ADGRD1: variants seen among roughly 807,000 people sequenced by gnomAD.
ADGRD1 encodes the protein adhesion G protein-coupled receptor D1, also known as G-protein coupled receptor 133.
A neutral mutation model predicts 113.4 loss-of-function variants in ADGRD1; 77 were observed. The ratio of observed to expected loss-of-function variants is 0.68; its 90% CI spans 0.57 to 0.82. ADGRD1 has a LOEUF of 0.82. Among genes scored for constraint, ADGRD1 ranks in the 40% least tolerant of loss-of-function variants. The pLI is 0.00. For synonymous variants in ADGRD1, 474 were observed against 475.0 expected, an observed-to-expected ratio of 1.00 and a Z score of 0.03; for missense variants, 1,036 against 1,139.1, an observed-to-expected ratio of 0.91 and a Z score of 1.30.
chr12:131,110,702 G>T (rs776832145), intron 18 of ADGRD1, among the ~76,000 whole-genome samples: 7 of 152,074 alleles, frequency 4.6e-5, no homozygotes, highest in Non-Finnish European at 8.8e-5. Context: ...CCATCTGGTG[G>T]TGTTGCTTGC....
rs529979006 is a variant in ADGRD1 at position 131,014,301 on chromosome 12, G to A, written c.1434G>A (p.Ser478=). 183 of 1,614,016 alleles carry A rather than the reference G, an allele frequency of 1.1e-4. 2 individuals are homozygous for A. In the South Asian group the frequency reaches 1.8e-3, roughly 16 times the overall value. ...SPPPTLSQNL[S]GSPLITVHLK... ...CACCCACCCTGTCTCAGAACCTGTC[G>A]GGCTCTCCACTCATTACGGTCCACC... The change falls in exon 13 of 25, where the codon TCG becomes TCA. Residue 478 remains serine (S), a synonymous_variant. Coordinates refer to ENST00000261654, the MANE Select transcript of ADGRD1 (RefSeq NM_198827.5).
intron 13 of ADGRD1, among the ~76,000 whole-genome samples, chr12:131,059,135 C>T (rs764763669): frequency 6.6e-6 from 1 of 152,006 alleles, no homozygotes; most frequent in Non-Finnish European, 1.5e-5. Flanking sequence ...TTCCTCTGTC[C>T]TCTCTATTTT....
intron 13 of ADGRD1, among the ~76,000 whole-genome samples, chr12:131,062,978 A>T (rs1201129831): frequency 6.6e-6 from 1 of 152,104 alleles, no homozygotes; most frequent in Non-Finnish European, 1.5e-5. Context: ...TTTCCCAATG[A>T]TGAGTGATGT....
Position 131,003,339 on chromosome 12 carries a change from G to T in ADGRD1, c.1144+37G>T, listed in dbSNP as rs549029202. On this transcript the variant is annotated intron_variant, in intron 10 of 24. Coordinates refer to ENST00000261654, the MANE Select transcript of ADGRD1 (RefSeq NM_198827.5). The surrounding 1 kb of genome is among the most constrained non-coding windows in gnomAD (Gnocchi z 4.8). ...TTGTAAGGGTGAGCCACATGGCAGGGGCGGGGGCTGGAGGCTGCGTTTCAC... is the reference window on the plus strand; with the variant it reads ...TTGTAAGGGTGAGCCACATGGCAGGTGCGGGGGCTGGAGGCTGCGTTTCAC... 2.8e-6 allele frequency: 4 copies of T among 1,420,100 alleles called. No homozygotes were observed. The highest frequency in any genetic ancestry group is 1.1e-5 in the South Asian group (1 of 87,334). The allele number at this position is 1,420,100 out of a possible 1,614,324, so 88.0% of individuals were successfully genotyped here.
At chr12:130,976,404 C>T (rs908840971) in intron 4 of ADGRD1, among the ~76,000 whole-genome samples, 2 of 152,154 alleles carry the variant, frequency 1.3e-5, no homozygotes, top group Non-Finnish European at 2.9e-5. Context: ...AAGTACAGCT[C>T]GTAGGCCCTG....
At chr12:131,127,858 G>A (rs1950782375) in intron 20 of ADGRD1, among the ~76,000 whole-genome samples, 2 of 128,216 alleles carry the variant, frequency 1.6e-5, no homozygotes, top group African/African-American at 6.5e-5. Context: ...CTCAGGTGGG[G>A]TGTTGGTTGG....
At chr12:131,061,931 C>G (rs957774229) in intron 13 of ADGRD1, among the ~76,000 whole-genome samples, 4 of 152,170 alleles carry the variant, frequency 2.6e-5, no homozygotes, top group Non-Finnish European at 1.5e-5. Context: ...GCATAATGCC[C>G]ATGGTTGTAT....
chr12:130,998,450 T>TTTTTC (rs372913626), intron 8 of ADGRD1, among the ~76,000 whole-genome samples: 26 of 152,136 alleles, frequency 1.7e-4, no homozygotes, highest in African/African-American at 6.3e-4. Context: ...GTTTCTTTCT[T>TTTTTC]TTTTCTTTTC....
chr12:131,117,022 C>T (rs1029417569), intron 18 of ADGRD1, among the ~76,000 whole-genome samples: 9 of 152,216 alleles, frequency 5.9e-5, no homozygotes, highest in East Asian at 1.9e-4. Flanking sequence ...TGTTGCAATG[C>T]GATCTTCCTT....
At chr12:131,010,546 A>G (rs12302321) in intron 12 of ADGRD1, among the ~76,000 whole-genome samples, 10,400 of 152,180 alleles carry the variant, frequency 0.068, 1,003 homozygotes, top group African/African-American at 0.22. Flanking sequence ...GTGTCTCCTC[A>G]TAGATTTCAG....
chr12:131,030,396 G>A (rs1880563361), intron 13 of ADGRD1, among the ~76,000 whole-genome samples: 1 of 152,204 alleles, frequency 6.6e-6, no homozygotes, highest in South Asian at 2.1e-4. Context: ...AATTGTTGGG[G>A]CAGTGGCTCT....
At chr12:131,047,589 C>T (rs535658944) in intron 13 of ADGRD1, among the ~76,000 whole-genome samples, 1 of 152,248 alleles carries the variant, frequency 6.6e-6, no homozygotes, top group African/African-American at 2.4e-5. Flanking sequence ...TGTGAGCTCA[C>T]GTGGGGACAC....
At chr12:131,047,590 G>T (rs1461407627) in intron 13 of ADGRD1, among the ~76,000 whole-genome samples, 1 of 152,180 alleles carries the variant, frequency 6.6e-6, no homozygotes, top group Admixed American at 6.5e-5. Flanking sequence ...GTGAGCTCAC[G>T]TGGGGACACT....
At chr12:131,124,361 T>C (rs1950689881) in intron 20 of ADGRD1, among the ~76,000 whole-genome samples, 1 of 152,182 alleles carries the variant, frequency 6.6e-6, no homozygotes, top group Non-Finnish European at 1.5e-5. Context: ...GCACACAAAA[T>C]AATGGTTCCC....
At chr12:131,083,220 T>G (rs1324530061) in intron 14 of ADGRD1, among the ~76,000 whole-genome samples, 9 of 152,262 alleles carry the variant, frequency 5.9e-5, no homozygotes, top group Admixed American at 5.9e-4. Context: ...GCCATTGCCT[T>G]TGGCTGAAGT....
chr12:131,100,654 G>A (rs562728382), intron 15 of ADGRD1, among the ~76,000 whole-genome samples: 3 of 152,260 alleles, frequency 2.0e-5, no homozygotes, highest in South Asian at 4.1e-4. Context: ...TAATATGGTT[G>A]GAAGGCTTAA....
chr12:131,030,165 C>T (rs1324118800), intron 13 of ADGRD1, among the ~76,000 whole-genome samples: 1 of 148,728 alleles, frequency 6.7e-6, no homozygotes, highest in African/African-American at 2.5e-5. Flanking sequence ...GTTGTGGACC[C>T]GTCGTATGGT....
At chr12:131,103,869 G>A (rs1950158097) in intron 15 of ADGRD1, among the ~76,000 whole-genome samples, 1 of 152,192 alleles carries the variant, frequency 6.6e-6, no homozygotes, top group South Asian at 2.1e-4. Context: ...ACAGGAGGAA[G>A]CACGTGGCGC....
chr12:131,127,245 A>G (rs549314557), intron 20 of ADGRD1, among the ~76,000 whole-genome samples: 1 of 152,388 alleles, frequency 6.6e-6, no homozygotes, highest in African/African-American at 2.4e-5. Context: ...AGCGGTCAAG[A>G]TAAAGTAAAG....
Sources: gnomAD v4.1 joint callset for allele counts (sites outside exome capture counted in the v4.1 genomes callset) on GRCh38, gnomAD v4.1.1 for gene constraint, Gnocchi (gnomAD v3.1) non-coding constraint, MANE v1.5 for transcripts, NCBI Gene and HGNC (gene_info 2026-07-23, HGNC 2026-07-21) for gene names.